The following SYT7 variants were observed in gnomAD, a reference collection of about 807,000 sequenced individuals.
SYT7 encodes the protein synaptotagmin-7.
Under a neutral mutation model 75.1 loss-of-function variants are expected in SYT7, and 29 were observed. The ratio of observed to expected loss-of-function variants is 0.39; its 90% CI spans 0.29 to 0.53. SYT7 has a LOEUF of 0.53. SYT7 is among the 20% of genes least tolerant of loss of function. SYT7 has a pLI of 0.77. For missense variants in SYT7, 693 were observed against 953.2 expected, an observed-to-expected ratio of 0.73 and a Z score of 3.59; for synonymous variants, 376 against 401.7, an observed-to-expected ratio of 0.94 and a Z score of 0.76.
intron 1 of SYT7, among the ~76,000 whole-genome samples, chr11:61,557,630 G>C (rs986797321): frequency 2.0e-5 from 3 of 152,128 alleles, no homozygotes; most frequent in Admixed American, 6.5e-5. Flanking sequence ...CCACACTTGT[G>C]AGGCTCCCAC....
intron 1 of SYT7, among the ~76,000 whole-genome samples, chr11:61,559,340 G>T (rs1468625263): frequency 6.6e-6 from 1 of 152,168 alleles, no homozygotes; most frequent in Non-Finnish European, 1.5e-5. Flanking sequence ...GCATGGAGGT[G>T]GGAAAAGTGT....
the SYT7 span, among the ~76,000 whole-genome samples, chr11:61,587,048 C>T: frequency 3.3e-5 from 5 of 152,206 alleles, no homozygotes; most frequent in South Asian, 2.1e-4. Flanking sequence ...CCCCCTCCCC[C>T]CACATGATTA....
chr11:61,536,622 G>A (rs945768096), intron 7 of SYT7, among the ~76,000 whole-genome samples: 8 of 152,178 alleles, frequency 5.3e-5, no homozygotes, highest in African/African-American at 1.4e-4. Flanking sequence ...TGGGCTCAGC[G>A]CCTGACAGCA....
chr11:61,587,594 G>A, the SYT7 span, among the ~76,000 whole-genome samples: 1 of 152,234 alleles, frequency 6.6e-6, no homozygotes, highest in Non-Finnish European at 1.5e-5. Context: ...GTCCTCCAGG[G>A]CCGCGCAGAA....
intron 8 of SYT7, among the ~76,000 whole-genome samples, chr11:61,531,459 G>T (rs74926583): frequency 5.3e-5 from 8 of 149,640 alleles, no homozygotes; most frequent in East Asian, 1.9e-4. Flanking sequence ...AGTCTTCCTG[G>T]GGGGGGGAAG....
chr11:61,540,034 T>C (rs374841013), intron 6 of SYT7: 1 of 152,298 alleles, frequency 6.6e-6, no homozygotes, highest in Non-Finnish European at 1.5e-5. Flanking sequence ...GAAAACAACA[T>C]GTTTTTTCCC....
Position 61,527,916 on chromosome 11 carries a change from T to G in SYT7, c.1470A>C (p.Glu490Asp). 1 of 1,613,858 alleles carries G rather than the reference T, an allele frequency of 6.2e-7. No homozygotes were observed. The highest frequency in any genetic ancestry group is 8.5e-7 in the Non-Finnish European group (1 of 1,179,816). The change falls in exon 9 of 13, where the codon GAA becomes GAC. Residue 490 changes from glutamate (E) to aspartate (D), a missense_variant and splice_region_variant. Around this residue, in one of 2 missense-constraint regions of SYT7, gnomAD observed 206 missense variants for 360.0 expected, o/e 0.57. Transcript: ENST00000539008. ...GGGGGAAGGTGGCACTAGACTCACC[T>G]TCAAAGAGGAAGGTCTCGTTCCAGT... The part of the protein sequence containing the change: ...NPHWNETFLF[E>D]GFPYEKVVQR...
rs2062171650 is a variant in SYT7 at position 61,517,269 on chromosome 11, T to G, written c.*1358A>C. ...TGCCGTCTCCAAGGGGAAGCCAGTT[T>G]TAGTCTCATCAGTGGCCGAGGCAGA... On this transcript the variant is annotated 3_prime_UTR_variant, in exon 13 of 13. Coordinates refer to ENST00000539008, the MANE Select transcript of SYT7 (RefSeq NM_001365809.2). The G allele has an allele frequency of 1.0e-5, 4 of 398,700 alleles. No individual in the cohort carries two copies. In the South Asian group the frequency reaches 5.1e-4, roughly 51 times the overall value. 24.7% of individuals were successfully genotyped at this position (398,700 alleles called of 1,614,324 possible). A position where few individuals can be genotyped will look rare whatever the true frequency, so the allele number is the denominator to read the frequency against.
At chr11:61,555,432 G>A (rs1015774762) in intron 2 of SYT7, among the ~76,000 whole-genome samples, 6 of 152,230 alleles carry the variant, frequency 3.9e-5, no homozygotes, top group Non-Finnish European at 8.8e-5. Context: ...TGGGCGGGGC[G>A]GCGCGATGCG....
At chr11:61,522,454 T>G (rs963327009) in intron 12 of SYT7, among the ~76,000 whole-genome samples, 1 of 152,208 alleles carries the variant, frequency 6.6e-6, no homozygotes, top group African/African-American at 2.4e-5. Context: ...CCTCCCAAAG[T>G]GCTGGGATTA....
At chr11:61,557,743 C>A (rs1303508092) in intron 1 of SYT7, among the ~76,000 whole-genome samples, 1 of 152,236 alleles carries the variant, frequency 6.6e-6, no homozygotes, top group African/African-American at 2.4e-5. Flanking sequence ...TCAGGGGCCA[C>A]GGCACCCAGG....
At chr11:61,562,805 A>T (rs879652059) in intron 1 of SYT7, among the ~76,000 whole-genome samples, 2 of 152,022 alleles carry the variant, frequency 1.3e-5, no homozygotes, top group Non-Finnish European at 2.9e-5. Flanking sequence ...TGAACTGCCG[A>T]CCCAATCCGG....
chr11:61,584,866 TC>T (rs2064353621), upstream of SYT7, among the ~76,000 whole-genome samples: 1 of 152,202 alleles, frequency 6.6e-6, no homozygotes, highest in Non-Finnish European at 1.5e-5. Context: ...ATTCAGCTTC[TC>T]CCCTTCCAGC....
rs1477667856 is a variant in SYT7, at chr11:61,545,984, C to T, written c.572+47G>A. On this transcript the variant is annotated intron_variant, in intron 5 of 12. Transcript: ENST00000539008. ...GGTCCCGCTGTCCACCCTGGCAGGG[C>T]AGGCCTGAGCTCATGGCTCCGGCAG... 3 of 1,505,220 alleles carry T rather than the reference C, an allele frequency of 2.0e-6. No homozygotes were observed. The Admixed American group carries it at 6.0e-5, about 30-fold the overall frequency. The allele number at this position is 1,505,220 out of a possible 1,614,324, so 93.2% of individuals were successfully genotyped here.
intron 8 of SYT7, 61 bp downstream of exon 8, chr11:61,532,928 C>T: frequency 6.3e-7 from 1 of 1,597,876 alleles, no homozygotes; most frequent in South Asian, 1.1e-5. Context: ...CATCCCTCTT[C>T]TTCCTGCCCC....
chr11:61,523,135 C>G lies in SYT7; in HGVS notation c.1896G>C (p.Thr632=). ...TGTCCATGACAGTGATGATGATGGT[C>G]GTCTCCCTCAGCTTCTCCGTGGGGA... The part of the protein sequence containing the change: ...FDIPTEKLRE[T]TIIITVMDKD... The change falls in exon 12 of 13, where the codon ACG becomes ACC. Residue 632 remains threonine, a synonymous_variant. Transcript: ENST00000539008. The surrounding 1 kb of genome is among the most constrained non-coding windows in gnomAD (Gnocchi z 5.0). 5.0e-6 allele frequency: 8 copies of G among 1,614,202 alleles called. No individual in the cohort carries two copies. The highest frequency in any genetic ancestry group is 6.8e-6 in the Non-Finnish European group (8 of 1,180,046).
rs747884194 is a variant in SYT7, at chr11:61,523,136, G to A, written c.1895C>T (p.Thr632Met). 1.2e-6 allele frequency: 2 copies of A among 1,614,198 alleles called. No individual in the cohort carries two copies. Among genetic ancestry groups the A allele is most frequent in the Non-Finnish European group, 1.7e-6 (2 of 1,180,040 alleles). Residue 632 changes from threonine to methionine, a missense_variant, in exon 12 of 13, where the codon ACG (threonine) becomes ATG (methionine). By Grantham distance (81) the Thr-to-Met change is moderately conservative. Transcript: ENST00000539008. The surrounding 1 kb of genome is among the most constrained non-coding windows in gnomAD (Gnocchi z 5.0). ...GTCCATGACAGTGATGATGATGGTC[G>A]TCTCCCTCAGCTTCTCCGTGGGGAT... ...FDIPTEKLRE[T>M]TIIITVMDKD...
Position 61,551,868 on chromosome 11 carries a change from C to T in SYT7, c.136-405G>A. ...GCCCCCAGATGGTGGGGGTGGCATCCTGCAGGGCAAGGTTGGCAGTGGCCA... is the reference window on the plus strand; with the variant it reads ...GCCCCCAGATGGTGGGGGTGGCATCTTGCAGGGCAAGGTTGGCAGTGGCCA... On this transcript the variant is annotated intron_variant, in intron 2 of 12. Coordinates refer to ENST00000539008, the MANE Select transcript of SYT7 (RefSeq NM_001365809.2). The surrounding 1 kb of genome is among the most constrained non-coding windows in gnomAD (Gnocchi z 5.3). 6.6e-6 allele frequency among the ~76,000 whole-genome samples: 1 copy of T among 152,154 alleles called. No homozygotes were observed. The highest frequency in any genetic ancestry group is 1.9e-4 in the East Asian group (1 of 5,176).
At chr11:61,535,253 G>A (rs186874157) in intron 7 of SYT7, among the ~76,000 whole-genome samples, 7 of 152,334 alleles carry the variant, frequency 4.6e-5, no homozygotes, top group East Asian at 1.9e-4. Context: ...CCGGGTGGAC[G>A]AGGGGACAGG....
Sources: allele counts gnomAD v4.1 joint callset (sites outside exome capture counted in the v4.1 genomes callset), GRCh38; gene constraint gnomAD v4.1.1; regional missense constraint gnomAD v4.1.1; non-coding constraint Gnocchi (gnomAD v3.1); transcripts MANE v1.5; gene names NCBI Gene and HGNC (gene_info 2026-07-23, HGNC 2026-07-21).